The following SYNE1 variants were observed in gnomAD, a reference collection of about 807,000 sequenced individuals.
SYNE1 encodes spectrin repeat containing nuclear envelope protein 1, also known as nesprin-1.
Under a neutral mutation model 1,111.0 loss-of-function variants are expected in SYNE1, and 616 were observed. The observed-to-expected ratio is 0.55, with a 90% CI of 0.52 to 0.59. SYNE1 has a LOEUF of 0.59. Ranked by LOEUF, SYNE1 falls within the 20% of genes least tolerant of loss-of-function variation. The pLI is 0.00. For missense variants in SYNE1, 10,006 were observed against 10,417.0 expected (o/e 0.96, Z 1.72); for synonymous variants, 3,855 against 3,825.8 (o/e 1.01, Z -0.28).
Position 152,330,557 on chromosome 6 carries a change from G to A in SYNE1, c.14128C>T (p.Leu4710Phe). ...VPTDLAVEEALSLQDGCRAIL... is the reference protein window; with the variant it reads ...VPTDLAVEEAFSLQDGCRAIL... ...GCTCTGCAACCATCTTGCAGAGAAA[G>A]AGCCTCCTCAACGGCCAGGTCGGTG... Residue 4710 changes from leucine (L) to phenylalanine (F), a missense_variant, in exon 78 of 146, where the codon CTT becomes TTT. Leu to Phe is a conservative substitution (Grantham distance 22). Coordinates refer to ENST00000367255, the MANE Select transcript of SYNE1 (RefSeq NM_182961.4). The A allele has an allele frequency of 6.2e-7, 1 of 1,614,076 alleles. No homozygotes were observed. The highest frequency in any genetic ancestry group is 8.5e-7 in the Non-Finnish European group (1 of 1,180,038).
chr6:152,406,944 C>G (rs1350335045), intron 45 of SYNE1, 70 bp downstream of exon 45: 1 of 967,418 alleles, frequency 1.0e-6, no homozygotes, highest in Non-Finnish European at 1.4e-6. Context: ...TTAAGAAAGA[C>G]TTTTTTTTTT....
chr6:152,258,097 T>C (rs1040095293), intron 101 of SYNE1, among the ~76,000 whole-genome samples: 5 of 152,184 alleles, frequency 3.3e-5, no homozygotes, highest in Non-Finnish European at 7.3e-5. Context: ...CGTCATTCAA[T>C]GCCAGAAGAG....
At position 152,551,466 on chromosome 6, in the gene SYNE1, G is replaced by A. The variant is rs536407883; in HGVS notation, c.68-11445C>T. On this transcript the variant is annotated intron_variant, in intron 3 of 145. Transcript: ENST00000367255. ...ATGAATTCCACTGTGCCCCTCACAT[G>A]TACCAGCCGTTCTGCTGACCAGCTG... is the stretch of plus-strand genomic sequence containing the variant. 3.3e-5 allele frequency among the ~76,000 whole-genome samples: 5 copies of A among 152,248 alleles called. No homozygotes were observed. The South Asian group carries it at 1.0e-3, about 32-fold the overall frequency.
Position 152,239,604 on chromosome 6 carries a change from G to C in SYNE1, c.19996C>G (p.Leu6666Val). 1 of 1,614,190 alleles carries C rather than the reference G, an allele frequency of 6.2e-7. No homozygotes were observed. Among genetic ancestry groups the C allele is most frequent in the Non-Finnish European group, 8.5e-7 (1 of 1,180,034 alleles). The change falls in exon 108 of 146, where the codon CTG (leucine) becomes GTG (valine). Residue 6666 changes from leucine (L) to valine (V), a missense_variant. This residue lies in a region of SYNE1 where 2,182 missense variants were observed against 2,287.8 expected (regional missense o/e 0.95). Transcript: ENST00000367255. ...AGTACAGCAGAAGCCTGAGCCATCA[G>C]CTCTGTATGGAACTGGGTTTCCTTT... ...VQKETQFHTE[L>V]MAQASAVLKR... is the part of the protein sequence containing the mutation.
chr6:152,320,154 T>C (rs903809908), intron 84 of SYNE1: 2 of 152,126 alleles, frequency 1.3e-5, no homozygotes, highest in African/African-American at 4.8e-5. Flanking sequence ...CGAGACTCTG[T>C]CTCAAAAATA....
intron 40 of SYNE1, among the ~76,000 whole-genome samples, chr6:152,418,964 T>G (rs78194734): frequency 6.6e-6 from 1 of 152,186 alleles, no homozygotes; most frequent in Non-Finnish European, 1.5e-5. Context: ...CTGTATAACA[T>G]AAAAACTTTA....
chr6:152,170,748 C>T (rs2064988786), intron 130 of SYNE1, among the ~76,000 whole-genome samples: 1 of 152,206 alleles, frequency 6.6e-6, no homozygotes, highest in Admixed American at 6.5e-5. Flanking sequence ...CTTTGAACTC[C>T]CTCTGGGATG....
In SYNE1 at chr6:152,391,282, T is replaced by C; in HGVS notation, c.7999A>G (p.Ile2667Val). 1 of 1,614,010 alleles carries C rather than the reference T, an allele frequency of 6.2e-7. No individual in the cohort carries two copies. Among genetic ancestry groups the C allele is most frequent in the Non-Finnish European group, 8.5e-7 (1 of 1,179,990 alleles). The change falls in exon 52 of 146, where the codon ATA (isoleucine) becomes GTA (valine). Residue 2667 changes from isoleucine (I) to valine (V), a missense_variant. Ile to Val is a conservative substitution (Grantham distance 29). Around this residue, in one of 7 missense-constraint regions of SYNE1, gnomAD observed 4,955 missense variants for 5,017.2 expected, o/e 0.99. Transcript: ENST00000367255. ...CTGGCTGGTGTCGCATGTACCTGTA[T>C]TTGTGACAGCCGTTTCTCCAGGGTG... ...KDTLEKRLSQ[I>V]QDILLMKGEG...
At chr6:152,431,373 ATT>A in intron 34 of SYNE1, among the ~76,000 whole-genome samples, 1 of 152,148 alleles carries the variant, frequency 6.6e-6, no homozygotes, top group East Asian at 1.9e-4. Context: ...CAGGGACCTC[ATT>A]GCTATGTACT....
chr6:152,160,939 T>C (rs892364988), intron 131 of SYNE1, among the ~76,000 whole-genome samples: 2 of 151,988 alleles, frequency 1.3e-5, no homozygotes, highest in African/African-American at 2.4e-5. Context: ...TTTAGATATA[T>C]ATATGAATAT....
chr6:152,452,042 G>T (rs2154252161), intron 25 of SYNE1, among the ~76,000 whole-genome samples: 2 of 151,808 alleles, frequency 1.3e-5, no homozygotes, highest in Admixed American at 1.3e-4. Flanking sequence ...AGCCCAGGCT[G>T]CTGACCACCT....
intron 3 of SYNE1, among the ~76,000 whole-genome samples, chr6:152,597,443 A>T (rs537876568): frequency 1.3e-5 from 2 of 152,144 alleles, no homozygotes; most frequent in African/African-American, 4.8e-5. Flanking sequence ...ACCATGTCTG[A>T]TTAATTTTTT....
Position 152,395,619 on chromosome 6 carries a change from T to G in SYNE1, c.7609A>C (p.Arg2537=), listed in dbSNP as rs753449219. 6.2e-7 allele frequency: 1 copy of G among 1,614,184 alleles called. No individual in the cohort carries two copies. The highest frequency in any genetic ancestry group is 8.5e-7 in the Non-Finnish European group (1 of 1,180,006). ...TCTCCCAAGTTTTCCGTATTGAACC[T>G]TTCTTCCATTTCATGGATCCATAAG... ...LNLWIHEMEE[R]FNTENLGESK... The change falls in exon 51 of 146, where the codon AGG becomes CGG. Residue 2537 remains arginine (R), a synonymous_variant. Coordinates refer to ENST00000367255, the MANE Select transcript of SYNE1 (RefSeq NM_182961.4).
chr6:152,610,748 G>T (rs769764149), intron 3 of SYNE1, among the ~76,000 whole-genome samples: 6 of 152,156 alleles, frequency 3.9e-5, no homozygotes, highest in African/African-American at 7.2e-5. Flanking sequence ...CAGAGAGATA[G>T]GTCGGGTTAC....
In SYNE1 at chr6:152,455,876, A is replaced by C; in HGVS notation, c.2727+10T>G. ...TGGCTCACAGCTCTAAAGCAGGGAG[A>C]GCAAATTACCTGAAAAGCAACATGA... On this transcript the variant is annotated intron_variant, in intron 23 of 145. Coordinates refer to ENST00000367255, the MANE Select transcript of SYNE1 (RefSeq NM_182961.4). 6.2e-7 allele frequency: 1 copy of C among 1,613,984 alleles called. No homozygotes were observed. The highest frequency in any genetic ancestry group is 8.5e-7 in the Non-Finnish European group (1 of 1,179,934).
At position 152,451,131 on chromosome 6, in the gene SYNE1, A is replaced by T; in HGVS notation, c.3102T>A (p.Ser1034=). ...CCAGCTCAGTTCTGCATTCTTCTAC[A>T]GAGGCTAAGAACCTATTCTTCTCCA... The part of the protein sequence containing the change: ...IDVEKNRFLA[S]VEECRTELDR... Residue 1034 remains serine, a synonymous_variant, in exon 26 of 146, where the codon TCT becomes TCA. Transcript: ENST00000367255. 6.2e-7 allele frequency: 1 copy of T among 1,614,136 alleles called. No homozygotes were observed. Among genetic ancestry groups the T allele is most frequent in the Admixed American group, 1.7e-5 (1 of 60,016 alleles).
rs1395225253 is a variant in SYNE1, at chr6:152,404,217, A to G, written c.6821T>C (p.Leu2274Pro). 6.2e-7 allele frequency: 1 copy of G among 1,611,786 alleles called. No individual in the cohort carries two copies. Among genetic ancestry groups the G allele is most frequent in the African/African-American group, 1.3e-5 (1 of 74,798 alleles). The change falls in exon 46 of 146, where the codon CTT becomes CCT. Residue 2274 changes from leucine (L) to proline (P), a missense_variant. By Grantham distance (98) the Leu-to-Pro change is moderately conservative. This residue lies in a region of SYNE1 where 4,955 missense variants were observed against 5,017.2 expected (regional missense o/e 0.99). Transcript: ENST00000367255. Reference sequence around the variant, plus strand: ...TAGTTATTACAAAATGCTTACCTGAAGGTCTGGCGGTGTTTCTAGATTTTT... The same window carrying G: ...TAGTTATTACAAAATGCTTACCTGAGGGTCTGGCGGTGTTTCTAGATTTTT... ...LTKNLETPPD[L>P]QFIEADLMQK...
chr6:152,320,079 G>C (rs536027469), intron 84 of SYNE1: 26 of 152,304 alleles, frequency 1.7e-4, no homozygotes, highest in African/African-American at 6.3e-4. Flanking sequence ...CACGAGAACT[G>C]CTTAAACCCA....
In SYNE1 at chr6:152,416,787, G is replaced by C; in HGVS notation, c.5650C>G (p.Leu1884Val). The C allele has an allele frequency of 3.1e-6, 5 of 1,614,198 alleles. No individual in the cohort carries two copies. The highest frequency in any genetic ancestry group is 4.2e-6 in the Non-Finnish European group (5 of 1,180,040). Residue 1884 changes from leucine to valine, a missense_variant, in exon 41 of 146, where the codon CTC becomes GTC. By Grantham distance (32) the Leu-to-Val change is conservative (BLOSUM62 1). Coordinates refer to ENST00000367255, the MANE Select transcript of SYNE1 (RefSeq NM_182961.4). ...TCCACTGTTTGCCTCAGCTGGCGGA[G>C]AATGCCGGACAGAGAGGCATGGCTC... The part of the protein sequence containing the change: ...LQSHASLSGI[L>V]RQLRQTVEAT...
Sources: allele counts gnomAD v4.1 joint callset (sites outside exome capture counted in the v4.1 genomes callset), GRCh38; gene constraint gnomAD v4.1.1; regional missense constraint gnomAD v4.1.1; transcripts MANE v1.5; gene names NCBI Gene and HGNC (gene_info 2026-07-23, HGNC 2026-07-21).